Variants in NTRK2 observed in about 807,000 individuals in gnomAD.
NTRK2 encodes the protein BDNF/NT-3 growth factors receptor.
A neutral mutation model predicts 94.5 loss-of-function variants in NTRK2; 13 were observed. The observed-to-expected ratio is 0.14, with a 90% CI of 0.09 to 0.22. NTRK2 has a LOEUF of 0.22. Among genes scored for constraint, NTRK2 ranks in the 10% least tolerant of loss-of-function variants. The pLI is 1.00. For synonymous variants in NTRK2, 372 were observed against 407.4 expected (o/e 0.91, Z 1.05); for missense variants, 639 against 1,071.2 (o/e 0.60, Z 5.63).
chr9:84,876,850 T>G (rs950306745), intron 14 of NTRK2: 1 of 1,062,492 alleles, frequency 9.4e-7, no homozygotes, highest in African/African-American at 1.6e-5. Context: ...TAGTCTGTCT[T>G]TTTCCCTTTT....
intron 12 of NTRK2, among the ~76,000 whole-genome samples, chr9:84,769,539 A>G (rs2066333521): frequency 6.6e-6 from 1 of 152,252 alleles, no homozygotes; most frequent in African/African-American, 2.4e-5. Flanking sequence ...CATTGACGAT[A>G]CAATTCAATT....
At chr9:84,783,597 G>A (rs796842341) in intron 12 of NTRK2, among the ~76,000 whole-genome samples, 14 of 152,302 alleles carry the variant, frequency 9.2e-5, no homozygotes, top group African/African-American at 3.4e-4. Flanking sequence ...CTAGAAAATG[G>A]TCCTCAGAGA....
intron 12 of NTRK2, among the ~76,000 whole-genome samples, chr9:84,819,852 T>G (rs1300947639): frequency 1.3e-5 from 2 of 152,194 alleles, no homozygotes; most frequent in African/African-American, 2.4e-5. Flanking sequence ...CTATTTCCTG[T>G]TTGTTTCTTT....
intron 17 of NTRK2, among the ~76,000 whole-genome samples, chr9:84,966,566 G>A (rs902095254): frequency 6.6e-6 from 1 of 152,130 alleles, no homozygotes; most frequent in Non-Finnish European, 1.5e-5. Context: ...CGAGCAGCTG[G>A]GATTACAGGC....
At chr9:84,992,536 G>T (rs1471837609) in intron 17 of NTRK2, among the ~76,000 whole-genome samples, 4 of 151,952 alleles carry the variant, frequency 2.6e-5, no homozygotes, top group Admixed American at 2.0e-4. Flanking sequence ...GGATTTGAAG[G>T]TTTCCTCCCG....
intron 11 of NTRK2, among the ~76,000 whole-genome samples, chr9:84,750,127 A>G (rs1389601896): frequency 1.3e-5 from 2 of 152,124 alleles, no homozygotes. Context: ...GGGATAAATA[A>G]TCCTTTGTTT....
At chr9:84,871,501 A>G (rs1158988027) in intron 14 of NTRK2, among the ~76,000 whole-genome samples, 1 of 152,210 alleles carries the variant, frequency 6.6e-6, no homozygotes, top group Non-Finnish European at 1.5e-5. Context: ...GATGCTCAAA[A>G]GTGGTTTGTC....
At position 84,782,611 on chromosome 9, in the gene NTRK2, A is replaced by G. The variant is rs181749253; in HGVS notation, c.1396+30526A>G. On this transcript the variant is annotated intron_variant, in intron 12 of 18. Coordinates refer to ENST00000277120, the MANE Select transcript of NTRK2 (RefSeq NM_006180.6). The stretch of plus-strand genomic sequence containing the variant: ...ATGTTCTGCATACTTAATGGGCTGA[A>G]TCACCCTTTCCCTTTTCAGATATGG... Among the ~76,000 whole-genome samples, 13 of 152,288 alleles carry G rather than the reference A, an allele frequency of 8.5e-5. No homozygotes were observed. The East Asian group carries it at 2.3e-3, about 27-fold the overall frequency.
At chr9:84,816,692 T>C (rs2072430385) in intron 12 of NTRK2, among the ~76,000 whole-genome samples, 1 of 142,630 alleles carries the variant, frequency 7.0e-6, no homozygotes, top group African/African-American at 2.6e-5. Flanking sequence ...GGCAGGAGAA[T>C]CATTTGAACC....
At chr9:84,734,789 C>T (rs2063135960) in intron 9 of NTRK2, among the ~76,000 whole-genome samples, 1 of 152,174 alleles carries the variant, frequency 6.6e-6, no homozygotes, top group African/African-American at 2.4e-5. Flanking sequence ...GTCAATGAAA[C>T]CTCTTTCCTT....
chr9:84,827,646 G>A (rs1388651370), intron 12 of NTRK2, among the ~76,000 whole-genome samples: 1 of 152,138 alleles, frequency 6.6e-6, no homozygotes, highest in African/African-American at 2.4e-5. Context: ...CCCTTGGGGT[G>A]GAATCTCATG....
At chr9:84,884,897 A>G (rs777461275) in intron 14 of NTRK2, among the ~76,000 whole-genome samples, 5 of 152,190 alleles carry the variant, frequency 3.3e-5, no homozygotes, top group Non-Finnish European at 5.9e-5. Flanking sequence ...TTTTGCAACC[A>G]CACTATTATT....
chr9:84,782,037 AACACACACACAC>A (rs58851217), intron 12 of NTRK2, among the ~76,000 whole-genome samples: 1 of 149,548 alleles, frequency 6.7e-6, no homozygotes, highest in Non-Finnish European at 1.5e-5. Flanking sequence ...CCTCCAAGAA[AACACACACACAC>A]ACACACACAC....
intron 12 of NTRK2, among the ~76,000 whole-genome samples, chr9:84,843,958 A>T (rs1187709661): frequency 6.6e-6 from 1 of 152,188 alleles, no homozygotes; most frequent in African/African-American, 2.4e-5. Flanking sequence ...GGCATTGACA[A>T]GACATAGAGG....
intron 14 of NTRK2, among the ~76,000 whole-genome samples, chr9:84,878,548 C>T (rs577834429): frequency 9.9e-5 from 15 of 151,462 alleles, no homozygotes; most frequent in South Asian, 4.2e-4. Context: ...GCAGGAGAAT[C>T]GCTTGAACCC....
intron 17 of NTRK2, among the ~76,000 whole-genome samples, chr9:84,994,590 G>A (rs781030041): frequency 2.6e-5 from 4 of 152,120 alleles, no homozygotes; most frequent in Admixed American, 6.5e-5. Flanking sequence ...GATCACTGCA[G>A]CGCTTCCAGA....
Position 84,973,944 on chromosome 9 carries a change from T to G in NTRK2, c.2172+18427T>G, listed in dbSNP as rs150248610. The stretch of plus-strand genomic sequence containing the variant: ...ATGTACAGTTTTGCTCAATGGTATT[T>G]TTTAAAGTTTATTTCTTTGTCGACT... On this transcript the variant is annotated intron_variant, in intron 17 of 18. Coordinates refer to ENST00000277120, the MANE Select transcript of NTRK2 (RefSeq NM_006180.6). Among the ~76,000 whole-genome samples the G allele has an allele frequency of 4.9e-4, 74 of 151,910 alleles. No individual in the cohort carries two copies. The East Asian group carries it at 0.013, about 26-fold the overall frequency.
rs201659956 is a variant in NTRK2, at chr9:84,815,093, C to T, written c.1397-45947C>T. ...AGGAAAGTTCCATGACAATGACTGT[C>T]GCAGAAGGAAATTTCCCACTAAAGT... On this transcript the variant is annotated intron_variant, in intron 12 of 18. Coordinates refer to ENST00000277120, the MANE Select transcript of NTRK2 (RefSeq NM_006180.6). 6.6e-6 allele frequency: 7 copies of T among 1,058,130 alleles called. No individual in the cohort carries two copies. In the Admixed American group the frequency reaches 1.6e-4, roughly 25 times the overall value. The allele number at this position is 1,058,130 out of a possible 1,614,324, so 65.5% of individuals were successfully genotyped here.
intron 12 of NTRK2, among the ~76,000 whole-genome samples, chr9:84,786,750 C>G (rs920164643): frequency 6.6e-6 from 1 of 152,162 alleles, no homozygotes; most frequent in Admixed American, 6.5e-5. Context: ...CAGTGGCCAC[C>G]ACGTGTGTGT....
Sources: gnomAD v4.1 joint callset for allele counts (sites outside exome capture counted in the v4.1 genomes callset) on GRCh38, gnomAD v4.1.1 for gene constraint, MANE v1.5 for transcripts, NCBI Gene and HGNC (gene_info 2026-07-23, HGNC 2026-07-21) for gene names.